P4HA1: variants seen among roughly 807,000 people sequenced by gnomAD.
P4HA1 encodes prolyl 4-hydroxylase subunit alpha 1, also known as prolyl 4-hydroxylase subunit alpha-1.
A neutral mutation model predicts 72.8 loss-of-function variants in P4HA1; 24 were observed. That is an observed-to-expected ratio of 0.33 (90% CI 0.24 to 0.46). The LOEUF (loss-of-function observed/expected upper bound fraction) is 0.46. P4HA1 is among the 20% of genes least tolerant of loss of function. The probability of loss-of-function intolerance (pLI) is 1.00; values close to 1 mark genes in which losing one functional copy is unlikely to be tolerated. For missense variants in P4HA1, 446 were observed against 640.6 expected, an observed-to-expected ratio of 0.70 and a Z score of 3.28; for synonymous variants, 201 against 218.8, an observed-to-expected ratio of 0.92 and a Z score of 0.72.
chr10:73,063,286 T>A (rs1841351186), intron 5 of P4HA1, among the ~76,000 whole-genome samples: 1 of 152,232 alleles, frequency 6.6e-6, no homozygotes, highest in Non-Finnish European at 1.5e-5. Context: ...ACCTTGTTGC[T>A]GCATCCTCCA....
chr10:73,091,403 G>C (rs892384794), intron 1 of P4HA1, among the ~76,000 whole-genome samples: 16 of 152,096 alleles, frequency 1.1e-4, no homozygotes, highest in African/African-American at 3.6e-4. Flanking sequence ...CTGGGCTCCA[G>C]AGATCTTCCC....
chr10:73,071,139 T>C (rs903439694), intron 4 of P4HA1, among the ~76,000 whole-genome samples: 3 of 151,484 alleles, frequency 2.0e-5, no homozygotes, highest in African/African-American at 4.9e-5. Context: ...TGAGCCACCA[T>C]TGTGCCACTG....
intron 2 of P4HA1, 92 bp downstream of exon 2, chr10:73,074,716 A>G: frequency 1.4e-6 from 1 of 727,706 alleles, no homozygotes; most frequent in Non-Finnish European, 2.5e-6. Context: ...CTCTAGGAAT[A>G]CACTGTATTT....
intron 1 of P4HA1, among the ~76,000 whole-genome samples, chr10:73,089,189 T>G (rs1841978046): frequency 6.6e-6 from 1 of 152,222 alleles, no homozygotes; most frequent in East Asian, 1.9e-4. Context: ...AATACTTAAG[T>G]ATTTCATGGT....
chr10:73,063,166 T>C (rs566044706), intron 5 of P4HA1, among the ~76,000 whole-genome samples: 3 of 152,252 alleles, frequency 2.0e-5, no homozygotes, highest in East Asian at 3.9e-4. Context: ...GGATAATTTA[T>C]AAAAAAACAA....
intron 10 of P4HA1, among the ~76,000 whole-genome samples, chr10:73,018,688 T>C (rs1840065949): frequency 6.6e-6 from 1 of 152,010 alleles, no homozygotes; most frequent in African/African-American, 2.4e-5. Flanking sequence ...CTAAGCCCTA[T>C]TGGCTCAGGC....
At chr10:73,092,213 T>G (rs978698772) in intron 1 of P4HA1, among the ~76,000 whole-genome samples, 1 of 152,190 alleles carries the variant, frequency 6.6e-6, no homozygotes, top group Non-Finnish European at 1.5e-5. Context: ...AGATTTAATA[T>G]CTAGTAAAAT....
At chr10:73,015,479 T>C (rs926742194) in intron 11 of P4HA1, among the ~76,000 whole-genome samples, 1 of 152,160 alleles carries the variant, frequency 6.6e-6, no homozygotes, top group African/African-American at 2.4e-5. Context: ...ATTCCATACA[T>C]AGTACTCCCT....
chr10:73,057,998 C>T lies in P4HA1; in HGVS notation c.464-4408G>A, dbSNP rs374125350. ...TCCAACTACTGGGGAGGCTGAGGCACGAGAATCGCTTGAACCCGGGAAGCG... is the reference window on the plus strand; with the variant it reads ...TCCAACTACTGGGGAGGCTGAGGCATGAGAATCGCTTGAACCCGGGAAGCG... On this transcript the variant is annotated intron_variant, in intron 5 of 14. Coordinates refer to ENST00000394890, the MANE Select transcript of P4HA1 (RefSeq NM_001017962.3). 6.2e-4 allele frequency among the ~76,000 whole-genome samples: 88 copies of T among 142,534 alleles called. 1 individual carries two copies. Among genetic ancestry groups the T allele is most frequent in the African/African-American group, 2.1e-3 (81 of 38,260 alleles). 93.5% of individuals were successfully genotyped at this position (142,534 alleles called of 152,430 possible).
chr10:73,038,340 C>A (rs541701457), intron 9 of P4HA1, among the ~76,000 whole-genome samples: 1 of 152,016 alleles, frequency 6.6e-6, no homozygotes, highest in Non-Finnish European at 1.5e-5. Flanking sequence ...ATCATAAATA[C>A]CGTATTGTAG....
chr10:73,047,199 T>C, intron 7 of P4HA1, 98 bp from the exon 8 acceptor site: 2 of 878,866 alleles, frequency 2.3e-6, no homozygotes, highest in South Asian at 1.6e-5. Flanking sequence ...TGCTTGCATA[T>C]ACAGAGTATC....
chr10:73,014,933 A>C (rs1430398488), intron 11 of P4HA1, among the ~76,000 whole-genome samples: 1 of 151,554 alleles, frequency 6.6e-6, no homozygotes, highest in Non-Finnish European at 1.5e-5. Context: ...GGTTTAAGCA[A>C]TTCTTCTGCC....
At chr10:73,075,729 T>C (rs893562105) in intron 1 of P4HA1, among the ~76,000 whole-genome samples, 15 of 139,146 alleles carry the variant, frequency 1.1e-4, no homozygotes, top group African/African-American at 4.8e-4. Flanking sequence ...ATATATATTT[T>C]ATATATATAT....
In P4HA1 at chr10:73,059,424, TAAAAAAAAAAAAAAAAAAAA is replaced by T. The variant is rs920360586; in HGVS notation, c.464-5854_464-5835del. On this transcript the variant is annotated intron_variant, in intron 5 of 14. Coordinates refer to ENST00000394890, the MANE Select transcript of P4HA1 (RefSeq NM_001017962.3). ...GGGCAAAATAATGAGACAATATATT[TAAAAAAAAAAAAAAAAAAAA>T]AAAAAAAAAAAAAAAAAGGCTGGGC... Among the ~76,000 whole-genome samples the T allele has an allele frequency of 1.8e-3, 43 of 24,180 alleles. 1 individual carries two copies. Among genetic ancestry groups the T allele is most frequent in the Middle Eastern group, 0.033 (1 of 30 alleles). 15.9% of individuals were successfully genotyped at this position (24,180 alleles called of 152,430 possible).
chr10:73,059,241 T>C (rs1841240129), intron 5 of P4HA1, among the ~76,000 whole-genome samples: 1 of 151,774 alleles, frequency 6.6e-6, no homozygotes, highest in Non-Finnish European at 1.5e-5. Context: ...TCTATTAATG[T>C]ACCTTATTAG....
At chr10:73,026,322 C>T (rs1180677877) in intron 10 of P4HA1, among the ~76,000 whole-genome samples, 1 of 152,204 alleles carries the variant, frequency 6.6e-6, no homozygotes, top group Admixed American at 6.5e-5. Context: ...ACCATCTGAT[C>T]TTTGACGAAC....
chr10:73,044,006 T>C (rs1445324179), intron 9 of P4HA1: 1 of 1,439,050 alleles, frequency 6.9e-7, no homozygotes, highest in South Asian at 1.2e-5. Flanking sequence ...GCAGGCAATT[T>C]TGGGCTTTTT....
intron 1 of P4HA1, among the ~76,000 whole-genome samples, chr10:73,095,307 T>C (rs987753137): frequency 2.6e-5 from 4 of 151,660 alleles, no homozygotes; most frequent in African/African-American, 9.7e-5. Flanking sequence ...GTTGAGGTTG[T>C]TCACTTTCAG....
chr10:73,090,864 C>T (rs2133168647), intron 1 of P4HA1, among the ~76,000 whole-genome samples: 1 of 151,542 alleles, frequency 6.6e-6, no homozygotes, highest in African/African-American at 2.4e-5. Context: ...AGTTCGAGAC[C>T]CGCCCGGCCA....
Sources: allele counts gnomAD v4.1 joint callset (sites outside exome capture counted in the v4.1 genomes callset), GRCh38; gene constraint gnomAD v4.1.1; transcripts MANE v1.5; gene names NCBI Gene and HGNC (gene_info 2026-07-23, HGNC 2026-07-21).